CCAR1: variants seen among roughly 807,000 people sequenced by gnomAD.
CCAR1 encodes the protein cell division cycle and apoptosis regulator 1.
A neutral mutation model predicts 163.8 loss-of-function variants in CCAR1; 78 were observed. That is an observed-to-expected ratio of 0.48 (90% CI 0.40 to 0.57). The LOEUF (loss-of-function observed/expected upper bound fraction) is 0.57, where lower values mean the gene tolerates loss of function less well. Ranked by LOEUF, CCAR1 falls within the 20% of genes least tolerant of loss-of-function variation. The pLI is 0.00. For synonymous variants in CCAR1, 443 were observed against 460.7 expected (o/e 0.96, Z 0.49); for missense variants, 1,019 against 1,365.2 (o/e 0.75, Z 4.00).
At chr10:68,745,178 TTG>T in intron 6 of CCAR1, among the ~76,000 whole-genome samples, 1 of 151,576 alleles carries the variant, frequency 6.6e-6, no homozygotes, top group Non-Finnish European at 1.5e-5. Flanking sequence ...GCTAATTTTT[TTG>T]TGTTTTTAGT....
intron 2 of CCAR1, among the ~76,000 whole-genome samples, chr10:68,725,976 G>T (rs1215494664): frequency 1.3e-5 from 2 of 151,970 alleles, no homozygotes; most frequent in Non-Finnish European, 2.9e-5. Context: ...AGCCAGGTGT[G>T]GTAGAGCACG....
chr10:68,730,332 T>G (rs1332708638), intron 2 of CCAR1, among the ~76,000 whole-genome samples: 3 of 149,434 alleles, frequency 2.0e-5, no homozygotes, highest in Admixed American at 6.7e-5. Flanking sequence ...AAAGAATATA[T>G]ATATATATAT....
At chr10:68,779,052 C>T (rs139991683) in intron 19 of CCAR1, among the ~76,000 whole-genome samples, 3 of 152,230 alleles carry the variant, frequency 2.0e-5, no homozygotes, top group African/African-American at 7.2e-5. Context: ...ATCATATTGG[C>T]CAGGCTGGTT....
chr10:68,770,679 G>A (rs2056590380), intron 17 of CCAR1, among the ~76,000 whole-genome samples: 1 of 152,136 alleles, frequency 6.6e-6, no homozygotes, highest in South Asian at 2.1e-4. Context: ...GGAAGCAGAG[G>A]TTGCAGTGAG....
In CCAR1 at chr10:68,722,442, C is replaced by G; in HGVS notation, c.-50-13C>G. The stretch of plus-strand genomic sequence containing the variant: ...TTGGTTGGACTTTAAAATGTGGATC[C>G]TTTTCTTGATAGATCGATGCTATAG... On this transcript the variant is annotated splice_polypyrimidine_tract_variant and intron_variant, in intron 1 of 24. Coordinates refer to ENST00000265872, the MANE Select transcript of CCAR1 (RefSeq NM_018237.4). 1 of 1,306,922 alleles carries G rather than the reference C, an allele frequency of 7.7e-7. No homozygotes were observed. The highest frequency in any genetic ancestry group is 1.1e-6 in the Non-Finnish European group (1 of 900,218). The allele number at this position is 1,306,922 out of a possible 1,614,324, so 81.0% of individuals were successfully genotyped here. A position where few individuals can be genotyped will look rare whatever the true frequency, so the allele number is the denominator to read the frequency against.
rs538209419 is a variant in CCAR1, at chr10:68,781,400, G to A, written c.2651-4736G>A. Among the ~76,000 whole-genome samples the A allele has an allele frequency of 1.9e-3, 281 of 150,538 alleles. 8 individuals are homozygous for A. The highest frequency in any genetic ancestry group is 6.0e-4 in the East Asian group (3 of 5,034). On this transcript the variant is annotated intron_variant, in intron 19 of 24. Coordinates refer to ENST00000265872, the MANE Select transcript of CCAR1 (RefSeq NM_018237.4). ...TCTACTAAAAATACAAAAATTAGCC[G>A]GGCGTGGTGGCGGGCACCTGTAATC...
chr10:68,742,433 A>G lies in CCAR1; in HGVS notation c.382A>G (p.Ile128Val). 6.2e-7 allele frequency: 1 copy of G among 1,614,180 alleles called. No homozygotes were observed. The highest frequency in any genetic ancestry group is 8.5e-7 in the Non-Finnish European group (1 of 1,180,034). The change falls in exon 6 of 25, where the codon ATA (isoleucine) becomes GTA (valine). Residue 128 changes from isoleucine to valine, a missense_variant. Ile to Val is a conservative substitution (Grantham distance 29). This residue lies in a region of CCAR1 where 644 missense variants were observed against 904.4 expected (regional missense o/e 0.71). Transcript: ENST00000265872. ...SLSTPQPTAQITVSYPTPRSS... is the reference protein window; with the variant it reads ...SLSTPQPTAQVTVSYPTPRSS... ...GTCTACTCCTCAGCCAACAGCACAA[A>G]TAACTGTATCATATCCAACACCAAG...
At chr10:68,748,490 T>G (rs1474652228) in intron 8 of CCAR1, among the ~76,000 whole-genome samples, 13 of 149,146 alleles carry the variant, frequency 8.7e-5, no homozygotes, top group Admixed American at 6.7e-4. Context: ...ATGTTCTTTT[T>G]TTTTTTTTTT....
intron 15 of CCAR1, chr10:68,760,691 AC>A (rs1220644241): frequency 6.1e-6 from 1 of 162,680 alleles, no homozygotes; most frequent in East Asian, 1.7e-4. Context: ...ACATGGTGAA[AC>A]CCCGTCTCTA....
intron 3 of CCAR1, 151 bp from the exon 4 acceptor site, chr10:68,737,694 T>G: frequency 2.5e-6 from 1 of 395,800 alleles, no homozygotes; most frequent in East Asian, 4.1e-5. Context: ...TATTTTTATT[T>G]TTTTTGTTTT....
rs931787531 is a variant in CCAR1 at position 68,765,525 on chromosome 10, T to C, written c.2107-363T>C. On this transcript the variant is annotated intron_variant, in intron 16 of 24. Coordinates refer to ENST00000265872, the MANE Select transcript of CCAR1 (RefSeq NM_018237.4). ...TATCAGTTTTTGATTTTTATATCTA[T>C]ATTGCTTTGTCTTTTTAGTGTGAGG... 2.6e-5 allele frequency among the ~76,000 whole-genome samples: 4 copies of C among 152,282 alleles called. No homozygotes were observed. The South Asian group carries it at 8.3e-4, about 32-fold the overall frequency.
At position 68,766,070 on chromosome 10, in the gene CCAR1, T is replaced by C. The variant is rs1240255932; in HGVS notation, c.2289T>C (p.His763=). ...LDYRLEDNKE[H]SFEVSLFAEL... is the part of the protein sequence containing the mutation. Reference sequence around the variant, plus strand: ...ACAGATTAGAGGATAATAAAGAACATTCATTTGAGGTAATGTTTTAAGTTT... The same window carrying C: ...ACAGATTAGAGGATAATAAAGAACACTCATTTGAGGTAATGTTTTAAGTTT... The change falls in exon 17 of 25, where the codon CAT becomes CAC. Residue 763 remains histidine, a synonymous_variant. Coordinates refer to ENST00000265872, the MANE Select transcript of CCAR1 (RefSeq NM_018237.4). 1 of 1,600,660 alleles carries C rather than the reference T, an allele frequency of 6.2e-7. No homozygotes were observed. The highest frequency in any genetic ancestry group is 8.6e-7 in the Non-Finnish European group (1 of 1,168,464).
intron 6 of CCAR1, among the ~76,000 whole-genome samples, chr10:68,745,527 G>C (rs564553891): frequency 2.3e-4 from 34 of 149,882 alleles, no homozygotes; most frequent in African/African-American, 8.1e-4. Context: ...GCAATGGCAT[G>C]ATCTCGGCTC....
chr10:68,742,376 C>A lies in CCAR1; in HGVS notation c.325C>A (p.Pro109Thr), dbSNP rs866271098. ...ATTTGATGTTGATTTTGTTTTATAG[C>A]CAGCTGTTGCACTGCCTACAAGCCT... The part of the protein sequence containing the change: ...QQPQQTLLTQ[P>T]AVALPTSLSL... Residue 109 changes from proline (P) to threonine (T), a missense_variant and splice_region_variant, in exon 6 of 25, where the codon CCA (proline) becomes ACA (threonine). Around this residue, in one of 4 missense-constraint regions of CCAR1, gnomAD observed 644 missense variants for 904.4 expected, o/e 0.71. Coordinates refer to ENST00000265872, the MANE Select transcript of CCAR1 (RefSeq NM_018237.4). The A allele has an allele frequency of 6.3e-7, 1 of 1,575,566 alleles. No homozygotes were observed. Among genetic ancestry groups the A allele is most frequent in the Non-Finnish European group, 8.6e-7 (1 of 1,159,626 alleles).
intron 19 of CCAR1, among the ~76,000 whole-genome samples, chr10:68,779,572 T>C (rs2056710960): frequency 6.6e-6 from 1 of 152,158 alleles, no homozygotes; most frequent in Admixed American, 6.6e-5. Flanking sequence ...CTTTTTCTTA[T>C]CAAGTTAATG....
rs758292427 is a variant in CCAR1 at position 68,749,698 on chromosome 10, C to T, written c.1118+13C>T. 1 of 1,584,472 alleles carries T rather than the reference C, an allele frequency of 6.3e-7. No homozygotes were observed. The highest frequency in any genetic ancestry group is 8.6e-7 in the Non-Finnish European group (1 of 1,158,750). On this transcript the variant is annotated intron_variant, in intron 10 of 24. Coordinates refer to ENST00000265872, the MANE Select transcript of CCAR1 (RefSeq NM_018237.4). ...TTTCTTTAGATTGGTAGGTTATTCC[C>T]CACCCATTGTTTTCTTGAGTTACTA...
chr10:68,751,927 T>G (rs1465977977), intron 10 of CCAR1, among the ~76,000 whole-genome samples: 1 of 149,038 alleles, frequency 6.7e-6, no homozygotes, highest in African/African-American at 2.5e-5. Flanking sequence ...TTTGTTTTTT[T>G]TTTTTTTGAG....
In CCAR1 at chr10:68,780,901, A is replaced by G. The variant is rs116599667; in HGVS notation, c.2651-5235A>G. On this transcript the variant is annotated intron_variant, in intron 19 of 24. Transcript: ENST00000265872. ...CCATTCCCCTATCTCTGTCCCTCTT[A>G]TTGGGCCTCCCTATTCCCTGAGACA... Among the ~76,000 whole-genome samples, 422 of 152,170 alleles carry G rather than the reference A, an allele frequency of 2.8e-3. 3 individuals are homozygous for G. Among genetic ancestry groups the G allele is most frequent in the African/African-American group, 9.5e-3 (393 of 41,522 alleles).
chr10:68,781,700 A>G (rs1348345390), intron 19 of CCAR1, among the ~76,000 whole-genome samples: 6 of 152,100 alleles, frequency 3.9e-5, no homozygotes, highest in Admixed American at 3.3e-4. Flanking sequence ...ACAAAAAAAA[A>G]TAAAATTGGT....
Sources: gnomAD v4.1 joint callset for allele counts (sites outside exome capture counted in the v4.1 genomes callset) on GRCh38, gnomAD v4.1.1 for gene constraint, gnomAD v4.1.1 regional missense constraint, MANE v1.5 for transcripts, NCBI Gene and HGNC (gene_info 2026-07-23, HGNC 2026-07-21) for gene names.